PCDHA8: variants seen among roughly 807,000 people sequenced by gnomAD.
The protein encoded by PCDHA8 is protocadherin alpha 8, also known as protocadherin alpha-8.
Under a neutral mutation model 61.8 loss-of-function variants are expected in PCDHA8, and 53 were observed. The observed-to-expected ratio is 0.86, with a 90% CI of 0.69 to 1.08. The LOEUF is 1.08. Among genes scored for constraint, PCDHA8 ranks in the 50% least tolerant of loss-of-function variants. The pLI is 0.00. For missense variants in PCDHA8, 1,293 were observed against 1,245.0 expected (o/e 1.04, Z -0.58); for synonymous variants, 618 against 556.6 (o/e 1.11, Z -1.55).
At chr5:140,923,826 T>C (rs2081533545) in intron 1 of PCDHA8, among the ~76,000 whole-genome samples, 1 of 152,218 alleles carries the variant, frequency 6.6e-6, no homozygotes, top group African/African-American at 2.4e-5. Context: ...TAGACGTCAG[T>C]GGCAGTTTAA....
chr5:140,928,989 A>T (rs1554206541), intron 1 of PCDHA8: 1 of 1,613,824 alleles, frequency 6.2e-7, no homozygotes, highest in Non-Finnish European at 8.5e-7. Context: ...TGGGGTGCTT[A>T]CTTTTCTTCG....
Position 140,997,281 on chromosome 5 carries a change from T to C in PCDHA8, c.2543-12346T>C, listed in dbSNP as rs143161972. Reference sequence around the variant, plus strand: ...CTCTTCCAAATATTTCTTGCATCACTTAACAATGGGGATACACTGAGAAAT... The same window carrying C: ...CTCTTCCAAATATTTCTTGCATCACCTAACAATGGGGATACACTGAGAAAT... On this transcript the variant is annotated intron_variant, in intron 3 of 3. Transcript: ENST00000531613. 1.4e-3 allele frequency among the ~76,000 whole-genome samples: 209 copies of C among 152,340 alleles called. 2 individuals carry two copies. Among genetic ancestry groups the C allele is most frequent in the African/African-American group, 4.7e-3 (195 of 41,574 alleles).
intron 1 of PCDHA8, among the ~76,000 whole-genome samples, chr5:140,906,368 T>C (rs1554192499): frequency 1.3e-5 from 2 of 152,198 alleles, no homozygotes. Flanking sequence ...CCAACCCAAA[T>C]GCTATTACAT....
chr5:140,957,021 T>C (rs1431974405), intron 1 of PCDHA8, among the ~76,000 whole-genome samples: 3 of 152,182 alleles, frequency 2.0e-5, no homozygotes, highest in Non-Finnish European at 2.9e-5. Context: ...AGTGAGCATT[T>C]AGATATTTAT....
intron 1 of PCDHA8, chr5:140,849,861 G>A (rs2150454483): frequency 1.9e-6 from 3 of 1,598,586 alleles, no homozygotes; most frequent in Admixed American, 3.4e-5. Context: ...ACCAGCGTTC[G>A]CGCAGTCCGA....
chr5:140,849,155 C>G (rs1169680334), intron 1 of PCDHA8: 5 of 1,223,436 alleles, frequency 4.1e-6, no homozygotes, highest in Non-Finnish European at 4.5e-6. Context: ...GAGGCAAACC[C>G]GAGCTGACTG....
intron 1 of PCDHA8, among the ~76,000 whole-genome samples, chr5:140,889,237 A>C (rs1181963973): frequency 6.6e-6 from 1 of 151,844 alleles, no homozygotes; most frequent in Non-Finnish European, 1.5e-5. Context: ...AACTTCCAGA[A>C]AATTTTCTGT....
chr5:140,852,300 C>T (rs1056866634), intron 1 of PCDHA8: 15 of 446,010 alleles, frequency 3.4e-5, no homozygotes, highest in East Asian at 3.0e-4. Context: ...TTTTCTGAGA[C>T]GGAGTCGTTT....
chr5:140,968,714 G>A, intron 1 of PCDHA8: 1 of 1,614,150 alleles, frequency 6.2e-7, no homozygotes, highest in South Asian at 1.1e-5. Flanking sequence ...GAAGATGGGA[G>A]ATGAGAGTGG....
At chr5:140,869,703 G>A in intron 1 of PCDHA8, 1 of 1,613,428 alleles carries the variant, frequency 6.2e-7, no homozygotes, top group Non-Finnish European at 8.5e-7. Context: ...AGAAGTCTCT[G>A]GATAGAGAGA....
intron 1 of PCDHA8, chr5:140,876,605 A>G: frequency 1.2e-6 from 2 of 1,614,060 alleles, no homozygotes; most frequent in South Asian, 1.1e-5. Flanking sequence ...TCGGATCGTG[A>G]CTCTGGAGCC....
chr5:140,979,081 G>A, intron 2 of PCDHA8, 74 bp downstream of exon 2: 1 of 1,564,866 alleles, frequency 6.4e-7, no homozygotes, highest in South Asian at 1.2e-5. Flanking sequence ...CATCTCCATA[G>A]GCCAGAAGCA....
chr5:140,879,659 C>T (rs782370828), intron 1 of PCDHA8, among the ~76,000 whole-genome samples: 4 of 152,142 alleles, frequency 2.6e-5, no homozygotes, highest in East Asian at 3.8e-4. Flanking sequence ...CTATAACAAA[C>T]GAACACAAAC....
chr5:140,872,447 C>T (rs555580142), intron 1 of PCDHA8, among the ~76,000 whole-genome samples: 10 of 152,054 alleles, frequency 6.6e-5, no homozygotes, highest in African/African-American at 2.2e-4. Flanking sequence ...GACAACATAG[C>T]GAGATCCTGT....
In PCDHA8 at chr5:140,848,538, C is replaced by T. The variant is rs1354116035; in HGVS notation, c.2394+4823C>T. 7 of 1,595,202 alleles carry T rather than the reference C, an allele frequency of 4.4e-6. No individual in the cohort carries two copies. The Admixed American group carries it at 1.0e-4, about 23-fold the overall frequency. ...AGGAGATCCAGAGGGTCAGCCTCTA[C>T]TGCTCTCGCTTCTGATCCTCGCAAT... is the stretch of plus-strand genomic sequence containing the variant. On this transcript the variant is annotated intron_variant, in intron 1 of 3. Transcript: ENST00000531613.
Position 140,943,601 on chromosome 5 carries a change from T to C in PCDHA8, c.2395-35348T>C, listed in dbSNP as rs148231077. ...TCTGAGTGGGGCTGAATTCTAAATA[T>C]AGACTTTGATTCATCTGCATAAGGA... On this transcript the variant is annotated intron_variant, in intron 1 of 3. Coordinates refer to ENST00000531613, the MANE Select transcript of PCDHA8 (RefSeq NM_018911.3). Among the ~76,000 whole-genome samples the C allele has an allele frequency of 1.9e-3, 291 of 152,290 alleles. 2 individuals carry two copies. The highest frequency in any genetic ancestry group is 6.6e-3 in the African/African-American group (276 of 41,566).
chr5:140,924,900 A>AT lies in PCDHA8; in HGVS notation c.2395-54049_2395-54048insT, dbSNP rs1563068012. 8.8e-4 allele frequency among the ~76,000 whole-genome samples: 56 copies of AT among 63,318 alleles called. 1 individual carries two copies. The highest frequency in any genetic ancestry group is 8.1e-3 in the Middle Eastern group (1 of 124). 41.5% of individuals were successfully genotyped at this position (63,318 alleles called of 152,430 possible). On this transcript the variant is annotated intron_variant, in intron 1 of 3. Coordinates refer to ENST00000531613, the MANE Select transcript of PCDHA8 (RefSeq NM_018911.3). ...ACAGAGCAAGAACCTGTCTCAAAAA[A>AT]AAAAATAAAATAAAATAAAATAAAA...
intron 1 of PCDHA8, chr5:140,884,152 T>A: frequency 6.2e-7 from 1 of 1,613,450 alleles, no homozygotes; most frequent in Non-Finnish European, 8.5e-7. Context: ...GGCTGTACAC[T>A]GGCGAGATCA....
At chr5:140,969,388 A>C in intron 1 of PCDHA8, 2 of 1,595,066 alleles carry the variant, frequency 1.3e-6, no homozygotes, top group Non-Finnish European at 1.7e-6. Context: ...CACATCCCCC[A>C]ATATCCTGTG....
Sources: allele counts gnomAD v4.1 joint callset (sites outside exome capture counted in the v4.1 genomes callset), GRCh38; gene constraint gnomAD v4.1.1; transcripts MANE v1.5; gene names NCBI Gene and HGNC (gene_info 2026-07-23, HGNC 2026-07-21).